The following TNPO3 variants were observed in gnomAD, a reference collection of about 807,000 sequenced individuals.
The protein encoded by TNPO3 is transportin-3.
A neutral mutation model predicts 122.8 loss-of-function variants in TNPO3; 65 were observed. The observed-to-expected ratio is 0.53, with a 90% CI of 0.43 to 0.65. The LOEUF (loss-of-function observed/expected upper bound fraction) is 0.65, where lower values mean the gene tolerates loss of function less well. TNPO3 is among the 30% of genes least tolerant of loss of function. The pLI, the probability that TNPO3 is intolerant of heterozygous loss-of-function variation, is 0.00. For synonymous variants in TNPO3, 372 were observed against 411.2 expected (o/e 0.90, Z 1.15); for missense variants, 850 against 1,136.7 (o/e 0.75, Z 3.63).
intron 12 of TNPO3, among the ~76,000 whole-genome samples, chr7:128,984,819 T>A (rs1259654617): frequency 6.6e-6 from 1 of 152,238 alleles, no homozygotes; most frequent in South Asian, 2.1e-4. Context: ...TTTGCCTTTC[T>A]TTCATTTTAA....
At chr7:129,046,212 A>G (rs1808031827) in intron 1 of TNPO3, among the ~76,000 whole-genome samples, 1 of 150,640 alleles carries the variant, frequency 6.6e-6, no homozygotes, top group South Asian at 2.1e-4. Flanking sequence ...AAAAAAAAAA[A>G]AAAAAGAAAC....
intron 1 of TNPO3, chr7:129,041,527 T>C (rs917148429): frequency 1.9e-5 from 19 of 984,646 alleles, no homozygotes; most frequent in Middle Eastern, 5.2e-4. Flanking sequence ...GGAAAAGGGA[T>C]TCTTTATAAG....
chr7:128,992,898 G>A (rs1186136709), intron 9 of TNPO3, among the ~76,000 whole-genome samples: 1 of 152,000 alleles, frequency 6.6e-6, no homozygotes, highest in African/African-American at 2.4e-5. Flanking sequence ...TCAAAGGATT[G>A]AGAAGATCAA....
chr7:129,037,366 T>C (rs549922091), intron 1 of TNPO3, among the ~76,000 whole-genome samples: 2 of 151,928 alleles, frequency 1.3e-5, no homozygotes, highest in Non-Finnish European at 2.9e-5. Context: ...ACAAGGAAAA[T>C]GAAGGCAAGC....
In TNPO3 at chr7:128,957,387, T is replaced by C. The variant is rs954385781; in HGVS notation, c.2712-72A>G. On this transcript the variant is annotated intron_variant, in intron 21 of 22. Transcript: ENST00000265388. The stretch of plus-strand genomic sequence containing the variant: ...AATATGCTGAAAAACAACTGCAACA[T>C]TGGGGCACACTGAGAACCGTCCCAA... 6.7e-6 allele frequency: 10 copies of C among 1,498,410 alleles called. No homozygotes were observed. In the African/African-American group the frequency reaches 6.9e-5, roughly 10 times the overall value. 92.8% of individuals were successfully genotyped at this position (1,498,410 alleles called of 1,614,324 possible).
At chr7:129,054,567 T>C in intron 1 of TNPO3, 84 bp downstream of exon 1, 1 of 1,577,852 alleles carries the variant, frequency 6.3e-7, no homozygotes. Flanking sequence ...CGAGGTCAAC[T>C]GCCGGGCTCA....
At chr7:128,984,619 T>C (rs1158830324) in intron 12 of TNPO3, among the ~76,000 whole-genome samples, 2 of 152,242 alleles carry the variant, frequency 1.3e-5, no homozygotes, top group African/African-American at 2.4e-5. Flanking sequence ...AGAGTCTTTA[T>C]TTTTGATAAA....
Position 128,972,539 on chromosome 7 carries a change from C to A in TNPO3, c.2317G>T (p.Val773Phe). 6.2e-7 allele frequency: 1 copy of A among 1,614,090 alleles called. No individual in the cohort carries two copies. The highest frequency in any genetic ancestry group is 8.5e-7 in the Non-Finnish European group (1 of 1,179,996). The change falls in exon 19 of 23, where the codon GTC becomes TTC. Residue 773 changes from valine (V) to phenylalanine (F), a missense_variant. By Grantham distance (50) the Val-to-Phe change is conservative. Coordinates refer to ENST00000265388, the MANE Select transcript of TNPO3 (RefSeq NM_012470.4). ...SPVTLLRSQV[V>F]IPILQWAIAS... ...ATGGCCCACTGTAAGATAGGGATGACCACTTGGCTCCGCAGCAAGGTGACA... is the reference window on the plus strand; with the variant it reads ...ATGGCCCACTGTAAGATAGGGATGAACACTTGGCTCCGCAGCAAGGTGACA...
Position 128,955,226 on chromosome 7 carries a change from C to A in TNPO3, c.*191G>T. On this transcript the variant is annotated 3_prime_UTR_variant, in exon 23 of 23. Coordinates refer to ENST00000265388, the MANE Select transcript of TNPO3 (RefSeq NM_012470.4). Reference sequence around the variant, plus strand: ...GCTGATTTTCCCTCACACCCCCAAACAGGAACTCCTCAGGATGGCCTCAGA... The same window carrying A: ...GCTGATTTTCCCTCACACCCCCAAAAAGGAACTCCTCAGGATGGCCTCAGA... 1 of 417,076 alleles carries A rather than the reference C, an allele frequency of 2.4e-6. No individual in the cohort carries two copies. Among genetic ancestry groups the A allele is most frequent in the Non-Finnish European group, 4.7e-6 (1 of 213,686 alleles). 25.8% of individuals were successfully genotyped at this position (417,076 alleles called of 1,614,324 possible). A position where few individuals can be genotyped will look rare whatever the true frequency, so the allele number is the denominator to read the frequency against.
At chr7:129,018,299 G>A (rs1211876376) in intron 1 of TNPO3, 142 bp from the exon 2 acceptor site, 2 of 783,726 alleles carry the variant, frequency 2.6e-6, no homozygotes, top group Non-Finnish European at 4.0e-6. Context: ...CAGTAATTCA[G>A]CCAACAGTTC....
intron 2 of TNPO3, among the ~76,000 whole-genome samples, chr7:129,017,661 A>C (rs1422912816): frequency 6.6e-6 from 1 of 152,226 alleles, no homozygotes; most frequent in Non-Finnish European, 1.5e-5. Context: ...TACTAAAGCC[A>C]ATCAGCCCTG....
chr7:128,969,945 TA>T (rs1301839297), intron 20 of TNPO3, among the ~76,000 whole-genome samples: 2 of 152,208 alleles, frequency 1.3e-5, no homozygotes, highest in East Asian at 3.8e-4. Flanking sequence ...GACAGTGACA[TA>T]GAAACATGCT....
At chr7:129,056,152 C>A, upstream of TNPO3, 2 of 949,640 alleles carry the variant, frequency 2.1e-6, no homozygotes, top group Non-Finnish European at 3.5e-6. Context: ...TGTGCTCTCG[C>A]CACTGCGTAT....
chr7:129,042,884 T>C (rs62478613), intron 1 of TNPO3, among the ~76,000 whole-genome samples: 1 of 143,334 alleles, frequency 7.0e-6, no homozygotes, highest in Non-Finnish European at 1.5e-5. Context: ...AAAAAAAAAT[T>C]GTAAAAGAAA....
At chr7:129,035,014 C>T (rs148940572) in intron 1 of TNPO3, among the ~76,000 whole-genome samples, 5,685 of 152,000 alleles carry the variant, frequency 0.037, 145 homozygotes, top group Non-Finnish European at 0.056. Context: ...GTGGCTCACG[C>T]CTGTAATCCC....
At chr7:128,987,488 A>G (rs370777107) in intron 11 of TNPO3, among the ~76,000 whole-genome samples, 6 of 152,238 alleles carry the variant, frequency 3.9e-5, no homozygotes, top group African/African-American at 1.4e-4. Flanking sequence ...AGTTTATCAT[A>G]AAGTTGAATT....
At chr7:129,027,557 T>A (rs1805347261) in intron 1 of TNPO3, among the ~76,000 whole-genome samples, 4 of 11,860 alleles carry the variant, frequency 3.4e-4, no homozygotes, top group African/African-American at 7.8e-4. Flanking sequence ...CAAGACTGTC[T>A]CAAAAAAAAA....
At chr7:128,997,933 G>A (rs1429901014) in intron 7 of TNPO3, among the ~76,000 whole-genome samples, 1 of 151,830 alleles carries the variant, frequency 6.6e-6, no homozygotes, top group East Asian at 1.9e-4. Context: ...AAACTCCTGA[G>A]CTCAAGTGAT....
intron 12 of TNPO3, among the ~76,000 whole-genome samples, chr7:128,986,104 T>C (rs1018484272): frequency 2.6e-5 from 4 of 152,242 alleles, no homozygotes; most frequent in African/African-American, 9.6e-5. Flanking sequence ...GGCTGACAAG[T>C]GACTACTCAT....
Sources: gnomAD v4.1 joint callset for allele counts (sites outside exome capture counted in the v4.1 genomes callset) on GRCh38, gnomAD v4.1.1 for gene constraint, MANE v1.5 for transcripts, NCBI Gene and HGNC (gene_info 2026-07-23, HGNC 2026-07-21) for gene names.